MAGI1: variants seen among roughly 807,000 people sequenced by gnomAD.
The protein encoded by MAGI1 is membrane associated guanylate kinase, WW and PDZ domain containing 1, also known as membrane-associated guanylate kinase, WW and PDZ domain-containing protein 1.
Under a neutral mutation model 139.9 loss-of-function variants are expected in MAGI1, and 58 were observed. The ratio of observed to expected loss-of-function variants is 0.41; its 90% CI spans 0.34 to 0.52. The LOEUF is 0.52. Among genes scored for constraint, MAGI1 ranks in the 20% least tolerant of loss-of-function variants. MAGI1 has a pLI of 0.12. For missense variants in MAGI1, 1,874 were observed against 1,901.6 expected (o/e 0.99, Z 0.27); for synonymous variants, 812 against 737.9 (o/e 1.10, Z -1.63).
chr3:65,800,832 G>A (rs2040469320), intron 1 of MAGI1, among the ~76,000 whole-genome samples: 2 of 152,148 alleles, frequency 1.3e-5, no homozygotes, highest in South Asian at 4.1e-4. Context: ...ATCTTAGAGT[G>A]AATCTATTTG....
chr3:65,843,149 C>T (rs962785569), intron 1 of MAGI1, among the ~76,000 whole-genome samples: 2 of 152,190 alleles, frequency 1.3e-5, no homozygotes, highest in African/African-American at 4.8e-5. Context: ...ATGGATGTCA[C>T]TTCTAAGATA....
chr3:65,880,908 C>CGTGTGTGTGTGTGTGTGTGTGTGTGT (rs11271375), intron 1 of MAGI1, among the ~76,000 whole-genome samples: 4,011 of 145,476 alleles, frequency 0.028, 106 homozygotes, highest in Middle Eastern at 0.056. Context: ...ATATCTCTGG[C>CGTGTGTGTGTGTGTGTGTGTGTGTGT]GTGTGTGTGT....
intron 2 of MAGI1, among the ~76,000 whole-genome samples, chr3:65,561,050 A>C (rs2108015659): frequency 6.6e-6 from 1 of 152,316 alleles, no homozygotes; most frequent in South Asian, 2.1e-4. Flanking sequence ...GCACTTAGAC[A>C]GCGTTAGACC....
intron 1 of MAGI1, among the ~76,000 whole-genome samples, chr3:65,950,106 A>AAAAAAAAAAAAAAAAAAC (rs796698272): frequency 7.1e-5 from 6 of 84,200 alleles, no homozygotes; most frequent in Non-Finnish European, 1.2e-4. Context: ...AAAAAAAAAA[A>AAAAAAAAAAAAAAAAAAC]CAGAACTAGC....
chr3:65,616,561 A>G (rs2083380274), intron 2 of MAGI1, among the ~76,000 whole-genome samples: 1 of 152,200 alleles, frequency 6.6e-6, no homozygotes, highest in Admixed American at 6.5e-5. Context: ...AGCTATTGCT[A>G]TTGTTACTAG....
intron 1 of MAGI1, among the ~76,000 whole-genome samples, chr3:65,643,939 C>T (rs2085118442): frequency 6.6e-6 from 1 of 152,152 alleles, no homozygotes; most frequent in African/African-American, 2.4e-5. Flanking sequence ...ATCTTCGACC[C>T]CATGGGTGGA....
chr3:65,712,204 AC>A (rs1453340518), intron 1 of MAGI1, among the ~76,000 whole-genome samples: 1 of 152,040 alleles, frequency 6.6e-6, no homozygotes, highest in Non-Finnish European at 1.5e-5. Flanking sequence ...GTGATTTTTG[AC>A]AGTTTCCAGG....
At chr3:65,865,367 G>A (rs998168784) in intron 1 of MAGI1, among the ~76,000 whole-genome samples, 1 of 152,170 alleles carries the variant, frequency 6.6e-6, no homozygotes, top group South Asian at 2.1e-4. Flanking sequence ...TAGGGAGGAC[G>A]AGGCAATCGC....
intron 1 of MAGI1, among the ~76,000 whole-genome samples, chr3:65,957,205 G>A (rs1355011929): frequency 6.6e-6 from 1 of 151,930 alleles, no homozygotes; most frequent in East Asian, 1.9e-4. Flanking sequence ...ATATATGCAT[G>A]CTATAGTATT....
At chr3:65,602,232 C>A (rs1169346559) in intron 2 of MAGI1, among the ~76,000 whole-genome samples, 1 of 152,102 alleles carries the variant, frequency 6.6e-6, no homozygotes, top group Non-Finnish European at 1.5e-5. Context: ...AAACATACAT[C>A]CACATAAAAA....
Position 65,648,290 on chromosome 3 carries a change from C to T in MAGI1, c.314-26202G>A, listed in dbSNP as rs1051103950. 2.9e-4 allele frequency among the ~76,000 whole-genome samples: 42 copies of T among 146,790 alleles called. 1 individual carries two copies. The highest frequency in any genetic ancestry group is 2.2e-3 in the Admixed American group (33 of 14,882). Reference sequence around the variant, plus strand: ...TTCCAGAGAAGCTAGTACTACAGGCCGTGTGTGTGTGTGTGTGTGTGTGTG... The same window carrying T: ...TTCCAGAGAAGCTAGTACTACAGGCTGTGTGTGTGTGTGTGTGTGTGTGTG... On this transcript the variant is annotated intron_variant, in intron 1 of 22. Transcript: ENST00000402939.
At chr3:65,768,209 T>C (rs1263935266) in intron 1 of MAGI1, among the ~76,000 whole-genome samples, 1 of 152,012 alleles carries the variant, frequency 6.6e-6, no homozygotes, top group Non-Finnish European at 1.5e-5. Context: ...CACTTGAGGT[T>C]AGGAGTTCTA....
At chr3:65,926,370 CCT>C (rs1488011857) in intron 1 of MAGI1, among the ~76,000 whole-genome samples, 1 of 50,028 alleles carries the variant, frequency 2.0e-5, no homozygotes, top group African/African-American at 7.8e-5. Context: ...TCTCTCTCTC[CCT>C]CTTTCCCTCC....
chr3:65,766,608 G>C (rs77684035), intron 1 of MAGI1, among the ~76,000 whole-genome samples: 19 of 152,134 alleles, frequency 1.2e-4, no homozygotes, highest in African/African-American at 4.1e-4. Flanking sequence ...CAGAATAAGA[G>C]GCTGGGTGCG....
At chr3:65,551,466 A>C (rs1032604680) in intron 2 of MAGI1, among the ~76,000 whole-genome samples, 2 of 151,996 alleles carry the variant, frequency 1.3e-5, no homozygotes, top group Non-Finnish European at 2.9e-5. Context: ...GCGCGCGGCT[A>C]ATTTTCTGTG....
intron 1 of MAGI1, among the ~76,000 whole-genome samples, chr3:65,682,920 G>A (rs886859350): frequency 1.3e-5 from 2 of 152,110 alleles, no homozygotes; most frequent in Non-Finnish European, 2.9e-5. Flanking sequence ...AACGGATGGG[G>A]ACGGGGAAGG....
intron 1 of MAGI1, among the ~76,000 whole-genome samples, chr3:65,811,452 A>G (rs2041228105): frequency 6.6e-6 from 1 of 152,144 alleles, no homozygotes; most frequent in African/African-American, 2.4e-5. Flanking sequence ...CCAGGCAGCC[A>G]TATTTGGACT....
chr3:65,766,116 T>C (rs1008998893), intron 1 of MAGI1, among the ~76,000 whole-genome samples: 2 of 152,232 alleles, frequency 1.3e-5, no homozygotes, highest in Non-Finnish European at 2.9e-5. Context: ...ATATTTGGTA[T>C]TAATTAAAAC....
chr3:65,852,320 C>G (rs1428705948), intron 1 of MAGI1, among the ~76,000 whole-genome samples: 1 of 151,696 alleles, frequency 6.6e-6, no homozygotes, highest in Non-Finnish European at 1.5e-5. Context: ...TTTGAGCCTC[C>G]CCAGAAAGGA....
Sources: gnomAD v4.1 joint callset for allele counts (sites outside exome capture counted in the v4.1 genomes callset) on GRCh38, gnomAD v4.1.1 for gene constraint, MANE v1.5 for transcripts, NCBI Gene and HGNC (gene_info 2026-07-23, HGNC 2026-07-21) for gene names.